The following PHKA2 variants were observed in gnomAD, a reference collection of about 807,000 sequenced individuals.
PHKA2 encodes the protein phosphorylase b kinase regulatory subunit alpha, liver isoform.
A neutral mutation model predicts 102.0 loss-of-function variants in PHKA2; 31 were observed. The ratio of observed to expected loss-of-function variants is 0.30; its 90% CI spans 0.23 to 0.41. The LOEUF (loss-of-function observed/expected upper bound fraction) is 0.41. Ranked by LOEUF, PHKA2 falls within the 10% of genes least tolerant of loss-of-function variation. The pLI is 1.00. For synonymous variants in PHKA2, 455 were observed against 416.2 expected (o/e 1.09, Z -1.13); for missense variants, 858 against 1,023.1 (o/e 0.84, Z 2.20).
At position 18,925,692 on chromosome X, in the gene PHKA2, G is replaced by C; in HGVS notation, c.1545C>G (p.Asn515Lys). The change falls in exon 15 of 33, where the codon AAC (asparagine) becomes AAG (lysine). Residue 515 changes from asparagine (N) to lysine (K), a missense_variant. This residue lies in a region of PHKA2 where 671 missense variants were observed against 745.2 expected (regional missense o/e 0.90). Transcript: ENST00000379942. ...LGTSKLYVIRNQIFTFTPQFT... is the reference protein window; with the variant it reads ...LGTSKLYVIRKQIFTFTPQFT... ...CCTGGGGTGTAAAAGTAAAGATTTG[G>C]TTCCTAATCACATATAGTTTAGAGG... 8.4e-7 allele frequency: 1 copy of C among 1,183,929 alleles called. No individual in the cohort carries two copies. Among genetic ancestry groups the C allele is most frequent in the Non-Finnish European group, 1.1e-6 (1 of 870,141 alleles).
chrX:18,899,129 G>A lies in PHKA2; in HGVS notation c.3111+44C>T, dbSNP rs369443560. ...GAGGTGGGAGCATGAGGAAGGACGC[G>A]AGGAGGAGCGGGGACGGACACAATA... On this transcript the variant is annotated intron_variant, in intron 29 of 32. Transcript: ENST00000379942. 1.7e-5 allele frequency: 19 copies of A among 1,114,518 alleles called. No homozygotes were observed. In the African/African-American group the frequency reaches 2.7e-4, roughly 16 times the overall value. 91.8% of individuals were successfully genotyped at this position (1,114,518 alleles called of 1,213,427 possible). A position where few individuals can be genotyped will look rare whatever the true frequency, so the allele number is the denominator to read the frequency against.
intron 26 of PHKA2, chrX:18,902,983 A>G (rs984791540): frequency 1.8e-5 from 2 of 112,245 alleles, no homozygotes; most frequent in African/African-American, 6.5e-5. Flanking sequence ...CTTGTAGAAA[A>G]CTGAGACCAC....
At chrX:18,969,245 G>A (rs918699196) in intron 1 of PHKA2, among the ~76,000 whole-genome samples, 1 of 110,813 alleles carries the variant, frequency 9.0e-6, no homozygotes, top group African/African-American at 3.3e-5. Context: ...TTGAGAAAAT[G>A]TCTGCCAAAT....
chrX:18,938,494 G>T, intron 10 of PHKA2, 133 bp downstream of exon 10: 1 of 626,370 alleles, frequency 1.6e-6, no homozygotes, highest in Non-Finnish European at 2.6e-6. Context: ...ACTCAGTTTT[G>T]GGAAAGTTTG....
intron 17 of PHKA2, among the ~76,000 whole-genome samples, chrX:18,921,085 C>G (rs1038819853): frequency 4.5e-5 from 5 of 110,970 alleles, no homozygotes; most frequent in African/African-American, 6.6e-5. Context: ...ATTGAGCACC[C>G]CCCCCAAGTG....
At chrX:18,906,235 C>T (rs749329074) in intron 25 of PHKA2, among the ~76,000 whole-genome samples, 3 of 111,991 alleles carry the variant, frequency 2.7e-5, no homozygotes, top group East Asian at 2.8e-4. Flanking sequence ...GGGTACAGGG[C>T]GGAAGATTCC....
chrX:18,907,101 C>T lies in PHKA2; in HGVS notation c.2518-4G>A, dbSNP rs368997914. On this transcript the variant is annotated splice_region_variant and splice_polypyrimidine_tract_variant and intron_variant, in intron 22 of 32. Coordinates refer to ENST00000379942, the MANE Select transcript of PHKA2 (RefSeq NM_000292.3). ...GCGAAAGCAGGTCTGTGCAGGCCTG[C>T]GCAGTTAAGGGGAAGGGTGAGAGGC... 1.7e-5 allele frequency: 20 copies of T among 1,170,806 alleles called. No homozygotes were observed. Among genetic ancestry groups the T allele is most frequent in the Admixed American group, 4.9e-5 (2 of 40,713 alleles).
chrX:18,944,403 A>AT (rs1352863162), intron 6 of PHKA2, among the ~76,000 whole-genome samples: 1 of 111,570 alleles, frequency 9.0e-6, no homozygotes, highest in African/African-American at 3.3e-5. Context: ...AATAGAGCAT[A>AT]TTTTTTGTTG....
chrX:18,911,542 C>G (rs1339293148), intron 19 of PHKA2, among the ~76,000 whole-genome samples: 1 of 111,870 alleles, frequency 8.9e-6, no homozygotes, highest in Non-Finnish European at 1.9e-5. Flanking sequence ...CTCCTGACCT[C>G]AGGTGATACA....
At chrX:18,900,434 C>T (rs1378353384) in intron 28 of PHKA2, among the ~76,000 whole-genome samples, 1 of 111,469 alleles carries the variant, frequency 9.0e-6, no homozygotes, top group East Asian at 2.8e-4. Context: ...CCTGGATGAT[C>T]TCTTTCACAA....
chrX:18,953,838 T>C (rs770538088), intron 2 of PHKA2, among the ~76,000 whole-genome samples: 8 of 109,994 alleles, frequency 7.3e-5, no homozygotes, highest in African/African-American at 9.9e-5. Flanking sequence ...AATACAAAAT[T>C]AGCTGCGCGT....
At chrX:18,962,285 G>A (rs1454856393) in intron 1 of PHKA2, among the ~76,000 whole-genome samples, 1 of 111,476 alleles carries the variant, frequency 9.0e-6, no homozygotes, top group Admixed American at 9.5e-5. Flanking sequence ...GCATGGAGGG[G>A]CAGGTAAGGA....
chrX:18,911,178 T>A (rs1237377214), intron 19 of PHKA2, among the ~76,000 whole-genome samples: 1 of 107,471 alleles, frequency 9.3e-6, no homozygotes, highest in African/African-American at 3.4e-5. Context: ...GCTAATTTTT[T>A]TTTTTTTTTT....
At chrX:18,906,982 C>T (rs768243629) in intron 23 of PHKA2, 36 bp downstream of exon 23, 11 of 1,129,791 alleles carry the variant, frequency 9.7e-6, no homozygotes, top group Non-Finnish European at 9.6e-6. Context: ...CCATGGCTCC[C>T]CCGCAAACCT....
chrX:18,964,949 C>T (rs561547635), intron 1 of PHKA2, among the ~76,000 whole-genome samples: 9 of 112,157 alleles, frequency 8.0e-5, no homozygotes, highest in South Asian at 7.4e-4. Flanking sequence ...GCTGCTTATT[C>T]GATTCTCCCC....
At chrX:18,914,715 G>A (rs895526899) in intron 19 of PHKA2, among the ~76,000 whole-genome samples, 8 of 112,251 alleles carry the variant, frequency 7.1e-5, no homozygotes, top group Admixed American at 3.8e-4. Context: ...ATCTGAAGGC[G>A]TAGATACATT....
In PHKA2 at chrX:18,902,090, C is replaced by T. The variant is rs751922318; in HGVS notation, c.2909-487G>A. Reference sequence around the variant, plus strand: ...ACTCCTGACCTTGTGATCCGCCCACCTTGACCTCCCAAAGTGCTGGGATTA... The same window carrying T: ...ACTCCTGACCTTGTGATCCGCCCACTTTGACCTCCCAAAGTGCTGGGATTA... On this transcript the variant is annotated intron_variant, in intron 26 of 32. Transcript: ENST00000379942. Among the ~76,000 whole-genome samples the T allele has an allele frequency of 5.4e-5, 6 of 111,308 alleles. No individual in the cohort carries two copies. In the East Asian group the frequency reaches 1.7e-3, roughly 32 times the overall value.
At chrX:18,964,345 T>C (rs2048909315) in intron 1 of PHKA2, among the ~76,000 whole-genome samples, 2 of 112,117 alleles carry the variant, frequency 1.8e-5, no homozygotes, top group Admixed American at 1.9e-4. Context: ...CTTCACTCCA[T>C]GGGACAGAGG....
chrX:18,902,551 C>T (rs780060579), intron 26 of PHKA2, among the ~76,000 whole-genome samples: 3 of 106,576 alleles, frequency 2.8e-5, no homozygotes, highest in African/African-American at 1.0e-4. Context: ...CACCTGAGGC[C>T]GGGATTTCGA....
Sources: allele counts gnomAD v4.1 joint callset (sites outside exome capture counted in the v4.1 genomes callset), GRCh38; gene constraint gnomAD v4.1.1; regional missense constraint gnomAD v4.1.1; transcripts MANE v1.5; gene names NCBI Gene and HGNC (gene_info 2026-07-23, HGNC 2026-07-21).